Variants in FBP2 observed in about 807,000 individuals in gnomAD.
FBP2 encodes the protein fructose-1,6-bisphosphatase isozyme 2.
A neutral mutation model predicts 31.6 loss-of-function variants in FBP2; 27 were observed. The ratio of observed to expected loss-of-function variants is 0.85; its 90% confidence interval spans 0.63 to 1.18. The LOEUF (loss-of-function observed/expected upper bound fraction) is 1.18, where lower values mean the gene tolerates loss of function less well. Among genes scored for constraint, FBP2 ranks in the 50% most tolerant of loss-of-function variants. The pLI, the probability that FBP2 is intolerant of heterozygous loss-of-function variation, is 0.00. For synonymous variants in FBP2, 168 were observed against 179.8 expected (o/e 0.93, Z 0.53); for missense variants, 421 against 436.1 (o/e 0.97, Z 0.31).
At chr9:94,591,224 A>C (rs1827497531) in intron 1 of FBP2, among the ~76,000 whole-genome samples, 1 of 152,348 alleles carries the variant, frequency 6.6e-6, no homozygotes, top group East Asian at 1.9e-4. Flanking sequence ...CTCGGGCCGC[A>C]CAGGAGCCCA....
chr9:94,588,016 T>C (rs1372704957), intron 1 of FBP2, among the ~76,000 whole-genome samples: 2 of 151,906 alleles, frequency 1.3e-5, no homozygotes, highest in East Asian at 3.9e-4. Flanking sequence ...GCCCGGCTAA[T>C]TTTTTTCTGT....
chr9:94,588,680 T>C (rs7851510), intron 1 of FBP2, among the ~76,000 whole-genome samples: 9,488 of 152,180 alleles, frequency 0.062, 989 homozygotes, highest in African/African-American at 0.22. Flanking sequence ...GTCTCCCCAC[T>C]TCCACCCTCG....
intron 3 of FBP2, among the ~76,000 whole-genome samples, chr9:94,580,201 G>T (rs553229719): frequency 6.6e-6 from 1 of 152,176 alleles, no homozygotes; most frequent in Non-Finnish European, 1.5e-5. Context: ...GTTAAAGTTT[G>T]TACAACCATA....
At chr9:94,566,918 T>C (rs1042524694) in intron 5 of FBP2, among the ~76,000 whole-genome samples, 1 of 151,814 alleles carries the variant, frequency 6.6e-6, no homozygotes, top group African/African-American at 2.4e-5. Context: ...AATTATTTAT[T>C]CTAAAAGCAA....
At chr9:94,579,071 G>GAAAAAAAAAAAAAAT (rs1564185245) in intron 3 of FBP2, among the ~76,000 whole-genome samples, 7 of 87,188 alleles carry the variant, frequency 8.0e-5, no homozygotes, top group African/African-American at 3.4e-4. Flanking sequence ...AAAAAAAAAG[G>GAAAAAAAAAAAAAAT]TTATTTTAAA....
intron 6 of FBP2, 145 bp downstream of exon 6, chr9:94,563,197 G>T: frequency 1.1e-6 from 1 of 878,958 alleles, no homozygotes; most frequent in Non-Finnish European, 1.7e-6. Context: ...CTCACTCAAG[G>T]GAAACAGAGT....
intron 5 of FBP2, among the ~76,000 whole-genome samples, chr9:94,564,626 CAA>C (rs777955164): frequency 4.6e-5 from 7 of 151,930 alleles, no homozygotes; most frequent in African/African-American, 1.2e-4. Flanking sequence ...CACATGGACA[CAA>C]AGAGGGAAAC....
At chr9:94,591,217 G>C (rs190312585) in intron 1 of FBP2, among the ~76,000 whole-genome samples, 2 of 152,228 alleles carry the variant, frequency 1.3e-5, no homozygotes, top group Non-Finnish European at 2.9e-5. Context: ...GGGGAGGCTC[G>C]GGCCGCACAG....
chr9:94,589,912 C>T (rs1473016119), intron 1 of FBP2, among the ~76,000 whole-genome samples: 1 of 152,206 alleles, frequency 6.6e-6, no homozygotes, highest in African/African-American at 2.4e-5. Flanking sequence ...ATCTGAGTTT[C>T]AGGGGACCAC....
At chr9:94,589,547 T>C (rs566976314) in intron 1 of FBP2, among the ~76,000 whole-genome samples, 2 of 152,238 alleles carry the variant, frequency 1.3e-5, no homozygotes, top group African/African-American at 4.8e-5. Context: ...GTCTGCTCAC[T>C]GAGTTATGAG....
At chr9:94,560,641 A>G (rs1307993316) in intron 6 of FBP2, among the ~76,000 whole-genome samples, 1 of 151,312 alleles carries the variant, frequency 6.6e-6, no homozygotes, top group Non-Finnish European at 1.5e-5. Context: ...TGATATGTTT[A>G]AACTACTTTG....
At chr9:94,579,050 C>CAAAAAAAAAAAAA (rs55778806) in intron 3 of FBP2, among the ~76,000 whole-genome samples, 306 of 30,578 alleles carry the variant, frequency 0.01, 68 homozygotes, top group African/African-American at 0.057. Flanking sequence ...GAGACTCTGT[C>CAAAAAAAAAAAAA]AAAAAAAAAA....
At chr9:94,591,644 G>A (rs1373295384) in intron 1 of FBP2, among the ~76,000 whole-genome samples, 2 of 152,224 alleles carry the variant, frequency 1.3e-5, no homozygotes, top group Non-Finnish European at 2.9e-5. Context: ...GGTCATTGAC[G>A]GCTCAGGCAC....
chr9:94,591,389 G>A (rs1827501041), intron 1 of FBP2, among the ~76,000 whole-genome samples: 1 of 152,218 alleles, frequency 6.6e-6, no homozygotes, highest in South Asian at 2.1e-4. Context: ...TGGCCCGGGT[G>A]CTAAGTCCCC....
At chr9:94,587,609 G>A in intron 1 of FBP2, 140 bp from the exon 2 acceptor site, 1 of 745,870 alleles carries the variant, frequency 1.3e-6, no homozygotes, top group Non-Finnish European at 2.3e-6. Context: ...TGCAGAAGAA[G>A]GCGATTATGC....
chr9:94,562,946 T>G (rs565466357), intron 6 of FBP2, among the ~76,000 whole-genome samples: 1 of 152,270 alleles, frequency 6.6e-6, no homozygotes, highest in East Asian at 1.9e-4. Flanking sequence ...ATGTGTACGT[T>G]TACATGCATT....
At chr9:94,583,289 C>T (rs892209274) in intron 3 of FBP2, among the ~76,000 whole-genome samples, 28 of 152,162 alleles carry the variant, frequency 1.8e-4, no homozygotes, top group African/African-American at 6.8e-4. Context: ...AAAACATACC[C>T]TCAGCCCCAC....
At chr9:94,578,335 T>A (rs1247375735) in intron 3 of FBP2, among the ~76,000 whole-genome samples, 1 of 152,220 alleles carries the variant, frequency 6.6e-6, no homozygotes, top group African/African-American at 2.4e-5. Context: ...TTCGGACTTT[T>A]AAAATGGTTA....
rs1263431898 is a variant in FBP2, at chr9:94,571,568, A to G, written c.461T>C (p.Leu154Pro). ...GGCCACAATATTGCGGCCACACTGC[A>G]GGGCATCCTTTTCAGAAGGCTCATC... ...SEDEPSEKDA[L>P]QCGRNIVAAG... Residue 154 changes from leucine (L) to proline (P), a missense_variant, in exon 4 of 7, where the codon CTG (leucine) becomes CCG (proline). Transcript: ENST00000375337. 1 of 1,613,796 alleles carries G rather than the reference A, an allele frequency of 6.2e-7. No individual in the cohort carries two copies. Among genetic ancestry groups the G allele is most frequent in the Admixed American group, 1.7e-5 (1 of 59,998 alleles).
Sources: gnomAD v4.1 joint callset for allele counts (sites outside exome capture counted in the v4.1 genomes callset) on GRCh38, gnomAD v4.1.1 for gene constraint, MANE v1.5 for transcripts, NCBI Gene and HGNC (gene_info 2026-07-23, HGNC 2026-07-21) for gene names.